ROBO2: variants seen among roughly 807,000 people sequenced by gnomAD.
ROBO2 encodes the protein roundabout homolog 2.
ROBO2 carries 53 observed loss-of-function variants against 160.8 expected under a neutral mutation model. The observed-to-expected ratio is 0.33, with a 90% CI of 0.26 to 0.41. ROBO2 has a LOEUF of 0.41. Among genes scored for constraint, ROBO2 ranks in the 10% least tolerant of loss-of-function variants. The pLI, the probability that ROBO2 is intolerant of heterozygous loss-of-function variation, is 1.00. For synonymous variants in ROBO2, 664 were observed against 611.7 expected (o/e 1.09, Z -1.26); for missense variants, 1,577 against 1,722.4 (o/e 0.92, Z 1.49).
intron 6 of ROBO2, among the ~76,000 whole-genome samples, chr3:77,536,177 A>G (rs147367430): frequency 2.0e-5 from 3 of 152,228 alleles, no homozygotes; most frequent in East Asian, 3.9e-4. Flanking sequence ...GAGGCCTTCA[A>G]ATACCTAAAC....
At chr3:76,983,313 T>C (rs544300784) in intron 2 of ROBO2, among the ~76,000 whole-genome samples, 1 of 152,210 alleles carries the variant, frequency 6.6e-6, no homozygotes, top group Non-Finnish European at 1.5e-5. Context: ...AGTGTACATA[T>C]TTAATATTTA....
chr3:76,511,649 C>T (rs893153862), intron 2 of ROBO2, among the ~76,000 whole-genome samples: 2 of 152,158 alleles, frequency 1.3e-5, no homozygotes, highest in African/African-American at 4.8e-5. Context: ...GCCATATATG[C>T]TATTGCCAAT....
At chr3:76,031,442 G>T (rs1386353055) in intron 2 of ROBO2, among the ~76,000 whole-genome samples, 1 of 152,184 alleles carries the variant, frequency 6.6e-6, no homozygotes, top group Non-Finnish European at 1.5e-5. Flanking sequence ...TCTTGTGCCA[G>T]TTTTCAAAGG....
chr3:77,566,489 T>C lies in ROBO2; in HGVS notation c.1849+1369T>C, dbSNP rs547590001. 9.2e-5 allele frequency among the ~76,000 whole-genome samples: 14 copies of C among 152,246 alleles called. No individual in the cohort carries two copies. In the East Asian group the frequency reaches 2.7e-3, roughly 30 times the overall value. On this transcript the variant is annotated intron_variant, in intron 12 of 25. Coordinates refer to ENST00000461745, the Ensembl canonical transcript of ROBO2. ...AACTTAAAATGGAAAATGTGTACAA[T>C]TTTACGTCAAGAAATTGTAGTACCG...
rs560319881 is a variant in ROBO2, at chr3:76,657,864, T to TTA, written c.110-440142_110-440141dup. ...GTATATGTATGTGTATATATGAACA[T>TTA]TATATATATGTGTGTGTGTGTATAT... On this transcript the variant is annotated intron_variant, in intron 2 of 26. Transcript: ENST00000487694. Among the ~76,000 whole-genome samples, 158 of 147,962 alleles carry TTA rather than the reference T, an allele frequency of 1.1e-3. 1 individual carries two copies. Among genetic ancestry groups the TTA allele is most frequent in the African/African-American group, 3.7e-3 (151 of 40,422 alleles).
intron 2 of ROBO2, among the ~76,000 whole-genome samples, chr3:76,938,689 G>A (rs2077919805): frequency 6.6e-6 from 1 of 151,956 alleles, no homozygotes; most frequent in Non-Finnish European, 1.5e-5. Context: ...AGCAGCCCCG[G>A]CCAGGCGCGG....
intron 2 of ROBO2, among the ~76,000 whole-genome samples, chr3:76,529,129 A>G (rs1169425021): frequency 6.6e-6 from 1 of 152,216 alleles, no homozygotes; most frequent in Non-Finnish European, 1.5e-5. Context: ...TGTTATGTAG[A>G]AAATAAAACA....
intron 2 of ROBO2, among the ~76,000 whole-genome samples, chr3:76,885,805 T>G (rs1242662424): frequency 6.6e-6 from 1 of 152,174 alleles, no homozygotes; most frequent in African/African-American, 2.4e-5. Context: ...AATGATTACA[T>G]CTTTCTTTAT....
chr3:76,277,016 A>G (rs141731278), intron 2 of ROBO2, among the ~76,000 whole-genome samples: 6,086 of 152,084 alleles, frequency 0.04, 347 homozygotes, highest in African/African-American at 0.12. Context: ...ATATTTTTTA[A>G]TAATTTTATG....
chr3:76,219,725 C>T (rs868726999), intron 2 of ROBO2, among the ~76,000 whole-genome samples: 14 of 152,124 alleles, frequency 9.2e-5, no homozygotes, highest in Admixed American at 3.9e-4. Flanking sequence ...TTACACTGTT[C>T]GTGGGACTGT....
intron 2 of ROBO2, among the ~76,000 whole-genome samples, chr3:76,101,085 G>A (rs2069664085): frequency 6.6e-6 from 1 of 152,062 alleles, no homozygotes; most frequent in African/African-American, 2.4e-5. Context: ...AGAACCAAGA[G>A]GCAAGAAAAC....
At chr3:76,067,430 T>G (rs959555784) in intron 2 of ROBO2, among the ~76,000 whole-genome samples, 1 of 152,118 alleles carries the variant, frequency 6.6e-6, no homozygotes, top group Non-Finnish European at 1.5e-5. Context: ...TTTAGTCAAA[T>G]AGTTTACAGA....
chr3:77,371,281 A>G (rs4683999), intron 2 of ROBO2, among the ~76,000 whole-genome samples: 16,379 of 152,204 alleles, frequency 0.11, 1,748 homozygotes, highest in African/African-American at 0.24. Flanking sequence ...TAACTGTTTC[A>G]ATTAGTATGT....
chr3:77,020,163 A>G (rs2062539816), intron 2 of ROBO2, among the ~76,000 whole-genome samples: 1 of 152,254 alleles, frequency 6.6e-6, no homozygotes, highest in Non-Finnish European at 1.5e-5. Flanking sequence ...ATAGATTTTG[A>G]GAAAATACTT....
intron 2 of ROBO2, among the ~76,000 whole-genome samples, chr3:76,384,366 T>G (rs951455127): frequency 6.6e-6 from 1 of 152,240 alleles, no homozygotes; most frequent in African/African-American, 2.4e-5. Flanking sequence ...TTCAGCCATC[T>G]AGACCATTTT....
intron 2 of ROBO2, among the ~76,000 whole-genome samples, chr3:76,810,145 AAGAGTATGG>A (rs1377261323): frequency 1.3e-5 from 2 of 152,116 alleles, no homozygotes; most frequent in Non-Finnish European, 2.9e-5. Flanking sequence ...TGAAGGAAAA[AAGAGTATGG>A]AGAAAATGAC....
intron 2 of ROBO2, among the ~76,000 whole-genome samples, chr3:76,155,853 A>G (rs1049279076): frequency 5.9e-5 from 9 of 152,206 alleles, no homozygotes; most frequent in Non-Finnish European, 1.3e-4. Context: ...ACTTAAATGT[A>G]TCGCAAGGCA....
chr3:75,914,111 C>G (rs1946711774), intron 1 of ROBO2, among the ~76,000 whole-genome samples: 1 of 152,014 alleles, frequency 6.6e-6, no homozygotes, highest in African/African-American at 2.4e-5. Flanking sequence ...GTAGTTTTTC[C>G]TTCATTTTTC....
At chr3:77,199,765 C>T (rs910995326) in intron 2 of ROBO2, among the ~76,000 whole-genome samples, 8 of 150,052 alleles carry the variant, frequency 5.3e-5, no homozygotes, top group African/African-American at 1.2e-4. Flanking sequence ...TGGGACAACA[C>T]GCTTGTGCCA....
Sources: allele counts gnomAD v4.1 joint callset (sites outside exome capture counted in the v4.1 genomes callset), GRCh38; gene constraint gnomAD v4.1.1; transcripts MANE v1.5; gene names NCBI Gene and HGNC (gene_info 2026-07-23, HGNC 2026-07-21).